Variants in WNT3A observed in about 807,000 individuals in gnomAD.
The protein encoded by WNT3A is Wnt family member 3A, also known as protein Wnt-3a.
A neutral mutation model predicts 37.0 loss-of-function variants in WNT3A; 17 were observed. The observed-to-expected ratio is 0.46, with a 90% CI of 0.31 to 0.69. WNT3A has a LOEUF of 0.69. WNT3A is among the 30% of genes least tolerant of loss of function. WNT3A has a pLI of 0.05. For synonymous variants in WNT3A, 187 were observed against 211.0 expected (o/e 0.89, Z 0.99); for missense variants, 411 against 510.2 (o/e 0.81, Z 1.87).
rs988011763 is a variant in WNT3A at position 228,023,023 on chromosome 1, C to T, written c.313+115C>T. The T allele has an allele frequency of 1.9e-5, 28 of 1,455,464 alleles. No individual in the cohort carries two copies. In the Admixed American group the frequency reaches 2.7e-4, roughly 14 times the overall value. The allele number at this position is 1,455,464 out of a possible 1,614,324, so 90.2% of individuals were successfully genotyped here. ...CGGTGGGAACAGTGCCTCACGCGGA[C>T]GCTGGGGTCCTTCCCGCTTACCTCC... On this transcript the variant is annotated intron_variant, in intron 2 of 3. Coordinates refer to ENST00000284523, the MANE Select transcript of WNT3A (RefSeq NM_033131.4).
chr1:228,044,474 C>T (rs1558292550), intron 2 of WNT3A, among the ~76,000 whole-genome samples: 1 of 152,194 alleles, frequency 6.6e-6, no homozygotes, highest in Non-Finnish European at 1.5e-5. Context: ...CCCTCATGCC[C>T]CTGAGACCTC....
At chr1:228,017,453 C>CTCGCCAAAA (rs1420485582) in intron 1 of WNT3A, among the ~76,000 whole-genome samples, 3 of 152,176 alleles carry the variant, frequency 2.0e-5, no homozygotes, top group African/African-American at 7.2e-5. Flanking sequence ...TGGCTCACAC[C>CTCGCCAAAA]TGTAATCTCA....
intron 2 of WNT3A, among the ~76,000 whole-genome samples, chr1:228,025,667 C>T (rs182890552): frequency 3.4e-4 from 51 of 151,962 alleles, no homozygotes; most frequent in Non-Finnish European, 5.6e-4. Context: ...TTTCTTTCAG[C>T]CATGTTTTGT....
chr1:228,020,511 C>T (rs753068988), intron 1 of WNT3A, among the ~76,000 whole-genome samples: 3 of 152,306 alleles, frequency 2.0e-5, no homozygotes, highest in African/African-American at 7.2e-5. Context: ...CCAGGGACCC[C>T]GGATGGTCAT....
chr1:228,056,312 T>C (rs2031682548), intron 3 of WNT3A, among the ~76,000 whole-genome samples: 1 of 152,110 alleles, frequency 6.6e-6, no homozygotes, highest in Non-Finnish European at 1.5e-5. Flanking sequence ...ACAAAATTTA[T>C]GGGAAAGAGA....
intron 2 of WNT3A, among the ~76,000 whole-genome samples, chr1:228,030,289 G>A (rs1331249042): frequency 6.6e-5 from 10 of 151,710 alleles, no homozygotes; most frequent in African/African-American, 1.4e-4. Context: ...CCAGCTAGTC[G>A]GGAGGCTGAG....
intron 3 of WNT3A, among the ~76,000 whole-genome samples, chr1:228,056,766 C>T (rs898896760): frequency 1.1e-4 from 16 of 152,298 alleles, no homozygotes; most frequent in African/African-American, 2.6e-4. Context: ...CAGAACAGCC[C>T]TCCAAGCTGC....
intron 1 of WNT3A, among the ~76,000 whole-genome samples, chr1:228,015,446 C>T (rs879420704): frequency 1.3e-5 from 2 of 152,338 alleles, no homozygotes; most frequent in South Asian, 2.1e-4. Flanking sequence ...AACATGGACT[C>T]TTCCTGGGAC....
At chr1:228,028,739 A>G (rs1436661832) in intron 2 of WNT3A, among the ~76,000 whole-genome samples, 2 of 152,144 alleles carry the variant, frequency 1.3e-5, no homozygotes, top group African/African-American at 2.4e-5. Context: ...TCATGTTCAC[A>G]ATATTGATTT....
chr1:228,058,437 C>A (rs2031724580), intron 3 of WNT3A, among the ~76,000 whole-genome samples: 1 of 152,248 alleles, frequency 6.6e-6, no homozygotes, highest in African/African-American at 2.4e-5. Flanking sequence ...AAACCGTTCG[C>A]TCCTCAGCGA....
chr1:228,009,092 G>T (rs2030294574), intron 1 of WNT3A, among the ~76,000 whole-genome samples: 1 of 152,134 alleles, frequency 6.6e-6, no homozygotes, highest in Admixed American at 6.5e-5. Flanking sequence ...ACCGGGGTGG[G>T]TGGTGAGGAC....
At chr1:228,012,255 C>T (rs944534214) in intron 1 of WNT3A, among the ~76,000 whole-genome samples, 6 of 152,194 alleles carry the variant, frequency 3.9e-5, no homozygotes, top group South Asian at 2.1e-4. Context: ...ACAGGGCTCC[C>T]GCCATCTCCA....
At position 228,031,180 on chromosome 1, in the gene WNT3A, G is replaced by A. The variant is rs568400452; in HGVS notation, c.313+8272G>A. Reference sequence around the variant, plus strand: ...GACCCGAGGGTCAGGCTCAGAGTCCGGGCACTGGTCACTGTGGGTCTGGGA... The same window carrying A: ...GACCCGAGGGTCAGGCTCAGAGTCCAGGCACTGGTCACTGTGGGTCTGGGA... On this transcript the variant is annotated intron_variant, in intron 2 of 3. Transcript: ENST00000284523. This position sits in a 1 kb window ranked among gnomAD's most constrained non-coding sequence, Gnocchi z 4.8. Among the ~76,000 whole-genome samples the A allele has an allele frequency of 2.6e-5, 4 of 152,226 alleles. No homozygotes were observed. The highest frequency in any genetic ancestry group is 9.6e-5 in the African/African-American group (4 of 41,464).
intron 3 of WNT3A, among the ~76,000 whole-genome samples, chr1:228,058,419 C>T (rs1303180793): frequency 2.0e-5 from 3 of 152,356 alleles, no homozygotes; most frequent in East Asian, 1.9e-4. Flanking sequence ...CTACACTGCC[C>T]ATAGGGGAAA....
chr1:228,034,824 C>T (rs2031096405), intron 2 of WNT3A, among the ~76,000 whole-genome samples: 1 of 151,968 alleles, frequency 6.6e-6, no homozygotes, highest in Non-Finnish European at 1.5e-5. Flanking sequence ...TTCACAAGTC[C>T]CAGTCATTAT....
chr1:228,053,198 C>T (rs1376468192), intron 3 of WNT3A, among the ~76,000 whole-genome samples: 1 of 152,066 alleles, frequency 6.6e-6, no homozygotes, highest in African/African-American at 2.4e-5. Context: ...TCCCAGCCTC[C>T]CAAACCATGA....
At chr1:228,026,874 A>G (rs1200002541) in intron 2 of WNT3A, among the ~76,000 whole-genome samples, 2 of 152,086 alleles carry the variant, frequency 1.3e-5, no homozygotes, top group Non-Finnish European at 2.9e-5. Flanking sequence ...ATAGGGTCTC[A>G]CTCTGTCATC....
At position 228,031,705 on chromosome 1, in the gene WNT3A, G is replaced by A. The variant is rs910615630; in HGVS notation, c.313+8797G>A. Reference sequence around the variant, plus strand: ...GGATGTGCCTGTGCCGTGTGCATGTGGCTGTGGCATGCATGTGCATGCCTA... The same window carrying A: ...GGATGTGCCTGTGCCGTGTGCATGTAGCTGTGGCATGCATGTGCATGCCTA... On this transcript the variant is annotated intron_variant, in intron 2 of 3. Transcript: ENST00000284523. This position sits in a 1 kb window ranked among gnomAD's most constrained non-coding sequence, Gnocchi z 4.8. Among the ~76,000 whole-genome samples the A allele has an allele frequency of 6.6e-6, 1 of 152,180 alleles. No individual in the cohort carries two copies. The highest frequency in any genetic ancestry group is 1.5e-5 in the Non-Finnish European group (1 of 68,026).
chr1:228,040,455 A>G (rs527550111), intron 2 of WNT3A, among the ~76,000 whole-genome samples: 3 of 152,300 alleles, frequency 2.0e-5, no homozygotes, highest in African/African-American at 7.2e-5. Flanking sequence ...CTCTGAGAGG[A>G]CAGAGGCTGC....
Sources: allele counts gnomAD v4.1 joint callset (sites outside exome capture counted in the v4.1 genomes callset), GRCh38; gene constraint gnomAD v4.1.1; non-coding constraint Gnocchi (gnomAD v3.1); transcripts MANE v1.5; gene names NCBI Gene and HGNC (gene_info 2026-07-23, HGNC 2026-07-21).